NXN: variants seen among roughly 807,000 people sequenced by gnomAD.
NXN encodes nucleoredoxin.
In NXN, 16 loss-of-function variants were observed where a neutral mutation model predicts 48.6. The observed-to-expected ratio is 0.33, with a 90% CI of 0.22 to 0.50. NXN has a LOEUF of 0.50. NXN is among the 20% of genes least tolerant of loss of function. The probability of loss-of-function intolerance (pLI) is 0.98; values close to 1 mark genes in which losing one functional copy is unlikely to be tolerated. For missense variants in NXN, 492 were observed against 605.5 expected (o/e 0.81, Z 1.97); for synonymous variants, 281 against 269.6 (o/e 1.04, Z -0.41).
At chr17:872,550 G>T (rs888112700) in intron 1 of NXN, among the ~76,000 whole-genome samples, 1 of 151,266 alleles carries the variant, frequency 6.6e-6, no homozygotes, top group African/African-American at 2.4e-5. Context: ...GAGCTAGAGG[G>T]TACCCTGATA....
At chr17:842,059 C>T (rs1914356612) in intron 1 of NXN, among the ~76,000 whole-genome samples, 1 of 152,124 alleles carries the variant, frequency 6.6e-6, no homozygotes, top group Non-Finnish European at 1.5e-5. Context: ...TCGCTTGAAC[C>T]TGGGAGGCAG....
At chr17:831,553 C>T (rs975558533) in intron 1 of NXN, among the ~76,000 whole-genome samples, 30 of 151,922 alleles carry the variant, frequency 2.0e-4, no homozygotes, top group East Asian at 1.7e-3. Flanking sequence ...CTGCAACCTC[C>T]GCTCACTGCA....
intron 6 of NXN, among the ~76,000 whole-genome samples, chr17:804,769 C>T (rs374686913): frequency 3.3e-5 from 5 of 152,308 alleles, no homozygotes; most frequent in Admixed American, 6.5e-5. Flanking sequence ...GTGTGCCACC[C>T]GCCCTTTCCA....
intron 1 of NXN, among the ~76,000 whole-genome samples, chr17:931,266 G>T (rs574780408): frequency 2.1e-5 from 3 of 144,744 alleles, no homozygotes; most frequent in South Asian, 2.3e-4. Context: ...CAGCCTGGGC[G>T]ACAGAGCGAG....
Position 801,460 on chromosome 17 carries a change from T to TTTTTC in NXN, c.1126-330_1126-329insGAAAA, listed in dbSNP as rs1293621744. Among the ~76,000 whole-genome samples the TTTTTC allele has an allele frequency of 1.1e-4, 17 of 148,164 alleles. 2 individuals are homozygous for TTTTTC. The highest frequency in any genetic ancestry group is 2.2e-4 in the Non-Finnish European group (15 of 66,926). On this transcript the variant is annotated intron_variant, in intron 7 of 7. Coordinates refer to ENST00000336868, the MANE Select transcript of NXN (RefSeq NM_022463.5). ...GTCACATTCTTTTTTTTTTTTTTTTTTTTGAGATGGAGTCTCGCTCTGTCA... is the reference window on the plus strand; with the variant it reads ...GTCACATTCTTTTTTTTTTTTTTTTTTTTTCTTTGAGATGGAGTCTCGCTCTGTCA...
chr17:877,416 A>G (rs12949735), intron 1 of NXN, among the ~76,000 whole-genome samples: 39,598 of 151,886 alleles, frequency 0.26, 5,391 homozygotes, highest in Middle Eastern at 0.38. Context: ...AAAGTGCTGG[A>G]ATTACAGGCG....
chr17:875,544 C>T (rs567088381), intron 1 of NXN, among the ~76,000 whole-genome samples: 3 of 152,128 alleles, frequency 2.0e-5, no homozygotes, highest in South Asian at 2.1e-4. Context: ...AGCAGAAGAT[C>T]GAATCAGACT....
intron 1 of NXN, among the ~76,000 whole-genome samples, chr17:853,723 A>ATATATATT (rs1491528474): frequency 1.2e-4 from 13 of 105,976 alleles, no homozygotes; most frequent in African/African-American, 4.7e-4. Context: ...ATATATATAT[A>ATATATATT]TTTTTTTTTT....
intron 1 of NXN, among the ~76,000 whole-genome samples, chr17:906,248 G>T (rs867427833): frequency 1.3e-5 from 2 of 152,084 alleles, no homozygotes. Flanking sequence ...ACACAGCTCT[G>T]GGAAGTGGCA....
rs900115631 is a variant in NXN, at chr17:895,627, A to G, written c.361-69549T>C. On this transcript the variant is annotated intron_variant, in intron 1 of 7. Transcript: ENST00000336868. The stretch of plus-strand genomic sequence containing the variant: ...GGAGATCAAGACCATCCTGGCTAAC[A>G]CGGTGAAACCCCGTCTCTACTTAAA... Among the ~76,000 whole-genome samples, 37 of 142,158 alleles carry G rather than the reference A, an allele frequency of 2.6e-4. 1 individual carries two copies. In the Middle Eastern group the frequency reaches 0.019, roughly 71 times the overall value. The allele number at this position is 142,158 out of a possible 152,430, so 93.3% of individuals were successfully genotyped here. A position where few individuals can be genotyped will look rare whatever the true frequency, so the allele number is the denominator to read the frequency against.
chr17:943,750 A>G (rs979198066), intron 1 of NXN, among the ~76,000 whole-genome samples: 8 of 151,944 alleles, frequency 5.3e-5, no homozygotes, highest in South Asian at 2.1e-4. Flanking sequence ...GCTTGAACCC[A>G]GGAGGCGGAG....
chr17:952,121 A>C, intron 1 of NXN, among the ~76,000 whole-genome samples: 1 of 149,514 alleles, frequency 6.7e-6, no homozygotes, highest in African/African-American at 2.5e-5. Flanking sequence ...ACAGTTACCC[A>C]CCTCCTGCCA....
chr17:968,198 T>G (rs1286380434), intron 1 of NXN, among the ~76,000 whole-genome samples: 1 of 152,144 alleles, frequency 6.6e-6, no homozygotes, highest in Non-Finnish European at 1.5e-5. Flanking sequence ...TTGATGACTG[T>G]TGAATGTGGG....
chr17:917,223 C>CAAG lies in NXN; in HGVS notation c.360+62095_360+62096insCTT. ...ATGGCGCGACCTCGGCTCGCCGTGG[C>CAAG]CTCCGCCTCGCGGGTTCAAGCGATT... On this transcript the variant is annotated intron_variant, in intron 1 of 7. Coordinates refer to ENST00000336868, the MANE Select transcript of NXN (RefSeq NM_022463.5). The surrounding 1 kb of genome is among the most constrained non-coding windows in gnomAD (Gnocchi z 4.5). 6.6e-6 allele frequency among the ~76,000 whole-genome samples: 1 copy of CAAG among 152,030 alleles called. No individual in the cohort carries two copies. The highest frequency in any genetic ancestry group is 1.5e-5 in the Non-Finnish European group (1 of 68,010).
chr17:960,589 C>T (rs1025106059), intron 1 of NXN, among the ~76,000 whole-genome samples: 5 of 137,478 alleles, frequency 3.6e-5, no homozygotes, highest in Admixed American at 1.6e-4. Context: ...AGCGATGCTT[C>T]CACCTCAGCA....
intron 1 of NXN, among the ~76,000 whole-genome samples, chr17:850,077 C>G (rs1350570660): frequency 6.7e-6 from 1 of 149,100 alleles, no homozygotes. Flanking sequence ...TCCTCGTAAA[C>G]AACTCCTAAC....
At chr17:915,215 T>C (rs2068676002) in intron 1 of NXN, among the ~76,000 whole-genome samples, 1 of 152,182 alleles carries the variant, frequency 6.6e-6, no homozygotes, top group Non-Finnish European at 1.5e-5. Flanking sequence ...ATTACAGGCG[T>C]GAGCCACTGC....
chr17:858,423 G>A (rs1186692085), intron 1 of NXN, among the ~76,000 whole-genome samples: 1 of 152,104 alleles, frequency 6.6e-6, no homozygotes, highest in Non-Finnish European at 1.5e-5. Flanking sequence ...CTGGACGGCT[G>A]AGCTATAGAA....
chr17:820,151 T>C (rs922865581), intron 4 of NXN, among the ~76,000 whole-genome samples: 59 of 152,288 alleles, frequency 3.9e-4, no homozygotes, highest in Admixed American at 7.8e-4. Context: ...GGTGGTTACG[T>C]GGTACGTACA....
Sources: gnomAD v4.1 joint callset for allele counts (sites outside exome capture counted in the v4.1 genomes callset) on GRCh38, gnomAD v4.1.1 for gene constraint, Gnocchi (gnomAD v3.1) non-coding constraint, MANE v1.5 for transcripts, NCBI Gene and HGNC (gene_info 2026-07-23, HGNC 2026-07-21) for gene names.